Variants in CLUL1 observed in about 807,000 individuals in gnomAD.
CLUL1 encodes the protein clusterin-like protein 1.
CLUL1 carries 43 observed loss-of-function variants against 49.4 expected under a neutral mutation model. That is an observed-to-expected ratio of 0.87 (90% CI 0.68 to 1.12). The LOEUF (loss-of-function observed/expected upper bound fraction) is 1.12, where lower values mean the gene tolerates loss of function less well. Among genes scored for constraint, CLUL1 ranks in the 50% most tolerant of loss-of-function variants. CLUL1 has a pLI of 0.00. For synonymous variants in CLUL1, 192 were observed against 184.9 expected (o/e 1.04, Z -0.31); for missense variants, 486 against 544.4 (o/e 0.89, Z 1.07).
chr18:613,390 G>A (rs764842291), intron 2 of CLUL1: 37 of 258,274 alleles, frequency 1.4e-4, no homozygotes, highest in Non-Finnish European at 2.2e-4. Flanking sequence ...TGCCTGCCTC[G>A]GCCTCCCAAA....
intron 7 of CLUL1, among the ~76,000 whole-genome samples, chr18:636,777 C>A (rs1217880170): frequency 6.6e-6 from 1 of 152,006 alleles, no homozygotes; most frequent in Non-Finnish European, 1.5e-5. Flanking sequence ...AGGCAACCGC[C>A]ACCATGCCCA....
rs116759154 is a variant in CLUL1, at chr18:645,325, A to G, written c.1397+228A>G. On this transcript the variant is annotated intron_variant, in intron 9 of 9. Coordinates refer to ENST00000692774, the MANE Select transcript of CLUL1 (RefSeq NM_001393344.1). ...AAATGGGAATTCTCATATATCATGT[A>G]TTGGTGGGAACATAATTGGTTTTGC... 2,551 of 380,010 alleles carry G rather than the reference A, an allele frequency of 6.7e-3. 61 individuals carry two copies. The highest frequency in any genetic ancestry group is 0.049 in the African/African-American group (2,342 of 48,222). The allele number at this position is 380,010 out of a possible 1,614,324, so 23.5% of individuals were successfully genotyped here. A position where few individuals can be genotyped will look rare whatever the true frequency, so the allele number is the denominator to read the frequency against.
chr18:637,026 G>A (rs767616550), intron 7 of CLUL1, among the ~76,000 whole-genome samples: 6 of 150,506 alleles, frequency 4.0e-5, no homozygotes, highest in Non-Finnish European at 7.4e-5. Flanking sequence ...TTGCTCCGTC[G>A]CCCAGGCTGG....
chr18:603,609 C>T (rs746792228), intron 1 of CLUL1, among the ~76,000 whole-genome samples: 52 of 152,272 alleles, frequency 3.4e-4, no homozygotes, highest in Non-Finnish European at 7.4e-4. Context: ...AGTGACATTG[C>T]TACAACCCAT....
At chr18:645,809 AAATATATAT>A (rs1325351680) in intron 9 of CLUL1, among the ~76,000 whole-genome samples, 5 of 70,466 alleles carry the variant, frequency 7.1e-5, no homozygotes, top group African/African-American at 1.9e-4. Context: ...AAAAAAAAAA[AAATATATAT>A]ATATATATAT....
At chr18:633,816 A>C (rs1431266820) in intron 7 of CLUL1, among the ~76,000 whole-genome samples, 1 of 22,828 alleles carries the variant, frequency 4.4e-5, no homozygotes, top group East Asian at 1.2e-3. Context: ...ATCAGGGCGG[A>C]GCGTGTAATC....
Position 641,506 on chromosome 18 carries a change from G to T in CLUL1, c.1174G>T (p.Ala392Ser). ...FGWVSELANQ[A>S]PETEIIFNSI... Reference sequence around the variant, plus strand: ...CTGGGTGTCTGAACTGGCAAACCAGGCCCCAGAAACAGAGATCATCTTTAA... The same window carrying T: ...CTGGGTGTCTGAACTGGCAAACCAGTCCCCAGAAACAGAGATCATCTTTAA... Residue 392 changes from alanine (A) to serine (S), a missense_variant, in exon 8 of 10, where the codon GCC (alanine) becomes TCC (serine). Physicochemically the swap from Ala to Ser is moderately conservative, Grantham distance 99. Coordinates refer to ENST00000692774, the MANE Select transcript of CLUL1 (RefSeq NM_001393344.1). 1 of 1,614,166 alleles carries T rather than the reference G, an allele frequency of 6.2e-7. No individual in the cohort carries two copies. Among genetic ancestry groups the T allele is most frequent in the Non-Finnish European group, 8.5e-7 (1 of 1,180,034 alleles).
At chr18:601,473 C>T (rs189634031) in intron 1 of CLUL1, among the ~76,000 whole-genome samples, 22 of 152,036 alleles carry the variant, frequency 1.4e-4, no homozygotes, top group African/African-American at 5.1e-4. Flanking sequence ...TGAATGAAGC[C>T]CTGTCTCTAC....
intron 1 of CLUL1, among the ~76,000 whole-genome samples, chr18:605,087 A>C (rs1325906548): frequency 6.6e-6 from 1 of 152,218 alleles, no homozygotes; most frequent in Non-Finnish European, 1.5e-5. Flanking sequence ...TACTAAAGAC[A>C]TACAGACAAT....
chr18:646,388 A>G (rs1354392948), intron 9 of CLUL1, among the ~76,000 whole-genome samples: 1 of 150,408 alleles, frequency 6.6e-6, no homozygotes, highest in Non-Finnish European at 1.5e-5. Context: ...TTTAGCATCT[A>G]CTAAGTTTAG....
chr18:636,624 C>CT (rs68150473), intron 7 of CLUL1, among the ~76,000 whole-genome samples: 3,308 of 122,010 alleles, frequency 0.027, 139 homozygotes, highest in African/African-American at 0.053. Context: ...CCCTTTCTCT[C>CT]TTTTTTTTTT....
chr18:625,106 T>A, intron 5 of CLUL1, 74 bp downstream of exon 5: 3 of 1,443,210 alleles, frequency 2.1e-6, no homozygotes, highest in South Asian at 1.3e-5. Flanking sequence ...TATTAATTTA[T>A]GTTAATATTT....
chr18:631,991 A>G (rs1408204450), intron 6 of CLUL1, among the ~76,000 whole-genome samples: 1 of 152,226 alleles, frequency 6.6e-6, no homozygotes, highest in Non-Finnish European at 1.5e-5. Flanking sequence ...ATGCCATTCT[A>G]TCGAACAGTG....
Position 642,600 on chromosome 18 carries a change from A to G in CLUL1, c.1209+1059A>G, listed in dbSNP as rs998751777. 2.6e-5 allele frequency among the ~76,000 whole-genome samples: 4 copies of G among 152,316 alleles called. No homozygotes were observed. The South Asian group carries it at 6.2e-4, about 24-fold the overall frequency. On this transcript the variant is annotated intron_variant, in intron 8 of 9. Transcript: ENST00000692774. ...AATCTACAAATGCGCCAGGCTAGTG[A>G]TTCCTGATGAGGCTGGTTTTGAGGG...
At chr18:611,652 G>A (rs1491000088) in intron 2 of CLUL1, among the ~76,000 whole-genome samples, 2 of 152,120 alleles carry the variant, frequency 1.3e-5, no homozygotes, top group African/African-American at 4.8e-5. Flanking sequence ...AAAAGAAGTT[G>A]GAGAGGTAAG....
At position 650,110 on chromosome 18, in the gene CLUL1, A is replaced by G; in HGVS notation, c.*209A>G. On this transcript the variant is annotated 3_prime_UTR_variant, in exon 10 of 10. Transcript: ENST00000692774. The stretch of plus-strand genomic sequence containing the variant: ...TAAAATGAAAATTCCTCCTTAAAAA[A>G]TCAAACGTAATATGTATTACATTTC... 2.4e-6 allele frequency: 1 copy of G among 422,538 alleles called. No homozygotes were observed. The highest frequency in any genetic ancestry group is 5.0e-5 in the South Asian group (1 of 19,982). The allele number at this position is 422,538 out of a possible 1,614,324, so 26.2% of individuals were successfully genotyped here.
At chr18:649,806 A>T in intron 9 of CLUL1, 92 bp from the exon 10 acceptor site, 2 of 852,796 alleles carry the variant, frequency 2.3e-6, no homozygotes, top group Admixed American at 4.2e-5. Flanking sequence ...TCTATTACCC[A>T]TCCTGGACTT....
chr18:599,355 A>T lies in CLUL1; in HGVS notation c.-136+2226A>T, dbSNP rs117620211. On this transcript the variant is annotated intron_variant, in intron 1 of 9. Transcript: ENST00000692774. ...TTATCTTATTTATCTATGAAACAGGATTGGTAATACTCATATCATAAGGTT... is the reference window on the plus strand; with the variant it reads ...TTATCTTATTTATCTATGAAACAGGTTTGGTAATACTCATATCATAAGGTT... 7.9e-3 allele frequency among the ~76,000 whole-genome samples: 1,202 copies of T among 152,304 alleles called. 4 individuals are homozygous for T. The highest frequency in any genetic ancestry group is 0.013 in the Non-Finnish European group (915 of 68,028).
chr18:602,883 T>C (rs191381354), intron 1 of CLUL1, among the ~76,000 whole-genome samples: 420 of 152,128 alleles, frequency 2.8e-3, no homozygotes, highest in Non-Finnish European at 3.9e-3. Context: ...ATCTGGAAGC[T>C]AGAGGTGGAG....
Sources: gnomAD v4.1 joint callset for allele counts (sites outside exome capture counted in the v4.1 genomes callset) on GRCh38, gnomAD v4.1.1 for gene constraint, MANE v1.5 for transcripts, NCBI Gene and HGNC (gene_info 2026-07-23, HGNC 2026-07-21) for gene names.